The following KIF6 variants were observed in gnomAD, a reference collection of about 807,000 sequenced individuals.
The protein encoded by KIF6 is kinesin-like protein KIF6.
In KIF6, 106 loss-of-function variants were observed where a neutral mutation model predicts 112.7. The observed-to-expected ratio is 0.94, with a 90% CI of 0.80 to 1.11. KIF6 has a LOEUF of 1.11. Among genes scored for constraint, KIF6 ranks in the 50% least tolerant of loss-of-function variants. KIF6 has a pLI of 0.00. For synonymous variants in KIF6, 339 were observed against 339.9 expected (o/e 1.00, Z 0.03); for missense variants, 929 against 964.0 (o/e 0.96, Z 0.48).
intron 7 of KIF6, among the ~76,000 whole-genome samples, chr6:39,590,802 A>T (rs2150673255): frequency 6.6e-6 from 1 of 152,340 alleles, no homozygotes; most frequent in Non-Finnish European, 1.5e-5. Flanking sequence ...TTTGGTTGCA[A>T]GAAACAGAAA....
rs1425479579 is a variant in KIF6 at position 39,342,681 on chromosome 6, G to A, written c.2428+1028C>T. 2 of 321,080 alleles carry A rather than the reference G, an allele frequency of 6.2e-6. No homozygotes were observed. The highest frequency in any genetic ancestry group is 6.7e-5 in the Admixed American group (1 of 15,032). The allele number at this position is 321,080 out of a possible 1,614,324, so 19.9% of individuals were successfully genotyped here. A position where few individuals can be genotyped will look rare whatever the true frequency, so the allele number is the denominator to read the frequency against. ...GAGACAAGATCACAGCAGAGGTGGG[G>A]CTGTCTCAGGCTTAAGAAAGGACCT... is the stretch of plus-strand genomic sequence containing the variant. On this transcript the variant is annotated intron_variant, in intron 22 of 22. Transcript: ENST00000287152. This position sits in a 1 kb window ranked among gnomAD's most constrained non-coding sequence, Gnocchi z 4.7.
chr6:39,360,470 C>G lies in KIF6; in HGVS notation c.2007G>C (p.Leu669=). ...GCTTCACCTTGGCTTTGTCCATGAG[C>G]AGCTGCAAGTGCTCGATCTCCACCT... ...ALKVEIEHLQ[L]LMDKAKVKLQ... Residue 669 remains leucine, a synonymous_variant, in exon 18 of 23, where the codon CTG becomes CTC. Transcript: ENST00000287152. 6.2e-7 allele frequency: 1 copy of G among 1,613,840 alleles called. No homozygotes were observed. Among genetic ancestry groups the G allele is most frequent in the South Asian group, 1.1e-5 (1 of 91,034 alleles).
At chr6:39,585,094 G>A (rs530169695) in intron 8 of KIF6, 110 bp from the exon 9 acceptor site, 2 of 685,104 alleles carry the variant, frequency 2.9e-6, no homozygotes, top group Admixed American at 4.6e-5. Context: ...AAAAAGTGAT[G>A]TGTATAAAAC....
chr6:39,342,568 T>C lies in KIF6; in HGVS notation c.2428+1141A>G, dbSNP rs573127567. Among the ~76,000 whole-genome samples, 43 of 150,876 alleles carry C rather than the reference T, an allele frequency of 2.9e-4. No homozygotes were observed. The highest frequency in any genetic ancestry group is 1.0e-3 in the African/African-American group (41 of 40,594). On this transcript the variant is annotated intron_variant, in intron 22 of 22. Transcript: ENST00000287152. This position sits in a 1 kb window ranked among gnomAD's most constrained non-coding sequence, Gnocchi z 4.7. ...ATCATCAGAGTATTTGGGGCATAGA[T>C]GGGGACTTGGAGATCACTGAATCCA...
At chr6:39,441,431 C>T (rs552498513) in intron 13 of KIF6, among the ~76,000 whole-genome samples, 1 of 152,300 alleles carries the variant, frequency 6.6e-6, no homozygotes, top group African/African-American at 2.4e-5. Context: ...AGATGGTCTC[C>T]CCTGGAGAGC....
At chr6:39,437,962 T>A (rs923012700) in intron 13 of KIF6, among the ~76,000 whole-genome samples, 2 of 111,678 alleles carry the variant, frequency 1.8e-5, no homozygotes, top group Non-Finnish European at 3.8e-5. Flanking sequence ...TTTACTATAC[T>A]TTATTTATTT....
intron 10 of KIF6, among the ~76,000 whole-genome samples, chr6:39,569,968 T>C (rs985887622): frequency 6.6e-6 from 1 of 152,220 alleles, no homozygotes; most frequent in African/African-American, 2.4e-5. Flanking sequence ...TGCGATTTAT[T>C]TGATGGATAA....
intron 14 of KIF6, among the ~76,000 whole-genome samples, chr6:39,429,888 A>G (rs1771030394): frequency 6.6e-6 from 1 of 152,026 alleles, no homozygotes; most frequent in Non-Finnish European, 1.5e-5. Context: ...AGGCTGGGCA[A>G]CAGAGTGAGA....
chr6:39,368,913 C>T (rs1765764350), intron 16 of KIF6, among the ~76,000 whole-genome samples: 1 of 152,192 alleles, frequency 6.6e-6, no homozygotes, highest in African/African-American at 2.4e-5. Flanking sequence ...AGTTATGTGG[C>T]TCTACCATGG....
chr6:39,403,079 TA>T (rs1768824753), intron 15 of KIF6, among the ~76,000 whole-genome samples: 1 of 152,240 alleles, frequency 6.6e-6, no homozygotes, highest in African/African-American at 2.4e-5. Flanking sequence ...AGATTCATTT[TA>T]AAATGACAGC....
At chr6:39,337,171 CCT>C (rs1491202384) in intron 22 of KIF6, among the ~76,000 whole-genome samples, 3 of 47,728 alleles carry the variant, frequency 6.3e-5, no homozygotes, top group South Asian at 5.5e-4. Context: ...TTCTTTCCTT[CCT>C]TCTTTCTTTC....
rs1776900662 is a variant in KIF6, at chr6:39,513,552, T to G, written c.1645+26451A>C. ...GGATCTTCCCACTCAGACTTCCCTC[T>G]CCATCACGTTTCCATCTAGTCTGGA... On this transcript the variant is annotated intron_variant, in intron 13 of 22. Transcript: ENST00000287152. Among the ~76,000 whole-genome samples the G allele has an allele frequency of 2.0e-5, 3 of 152,316 alleles. No homozygotes were observed. In the South Asian group the frequency reaches 6.2e-4, roughly 32 times the overall value.
intron 13 of KIF6, among the ~76,000 whole-genome samples, chr6:39,519,514 T>C (rs1459050093): frequency 2.6e-5 from 4 of 152,186 alleles, no homozygotes; most frequent in African/African-American, 7.2e-5. Context: ...CTATGACATA[T>C]TGACAGGTAT....
chr6:39,407,756 G>T (rs1769190733), intron 15 of KIF6, among the ~76,000 whole-genome samples: 1 of 152,186 alleles, frequency 6.6e-6, no homozygotes, highest in Non-Finnish European at 1.5e-5. Context: ...TTCATGTAGT[G>T]GTTAGTGGTT....
intron 13 of KIF6, among the ~76,000 whole-genome samples, chr6:39,456,263 C>G (rs1581897395): frequency 1.1e-5 from 1 of 94,466 alleles, no homozygotes; most frequent in Non-Finnish European, 2.1e-5. Flanking sequence ...TCATATCCAG[C>G]CAAACAAAGC....
At position 39,639,748 on chromosome 6, in the gene KIF6, T is replaced by G. The variant is rs536682530; in HGVS notation, c.261A>C (p.Ala87=). 14 of 1,609,480 alleles carry G rather than the reference T, an allele frequency of 8.7e-6. No individual in the cohort carries two copies. In the South Asian group the frequency reaches 1.3e-4, roughly 15 times the overall value. Residue 87 remains alanine, a synonymous_variant, in exon 4 of 23, where the codon GCA becomes GCC. Coordinates refer to ENST00000287152, the MANE Select transcript of KIF6 (RefSeq NM_145027.6). ...ATGCAAAGATGGTACCATTGTAACC[T>G]GCCAGGACACTGCAATAAAGAAATG... ...IAKPVAGSVL[A]GYNGTIFAYG... is the part of the protein sequence containing the mutation.
chr6:39,620,561 C>T (rs919324782), intron 5 of KIF6: 4 of 152,014 alleles, frequency 2.6e-5, no homozygotes, highest in African/African-American at 9.7e-5. Flanking sequence ...ATTTTTCCAA[C>T]TATAAGCATA....
chr6:39,431,870 CGGAGTGAG>C (rs563090420), intron 13 of KIF6, among the ~76,000 whole-genome samples: 51 of 152,274 alleles, frequency 3.3e-4, no homozygotes, highest in Middle Eastern at 3.4e-3. Flanking sequence ...CACCACCTCC[CGGAGTGAG>C]GGTCAGCGCA....
At chr6:39,710,479 A>C (rs1228494445) in intron 3 of KIF6, among the ~76,000 whole-genome samples, 5 of 151,756 alleles carry the variant, frequency 3.3e-5, no homozygotes, top group Admixed American at 6.6e-5. Context: ...GAAAAAAAAA[A>C]AAACCCAGTG....
Sources: allele counts gnomAD v4.1 joint callset (sites outside exome capture counted in the v4.1 genomes callset), GRCh38; gene constraint gnomAD v4.1.1; non-coding constraint Gnocchi (gnomAD v3.1); transcripts MANE v1.5; gene names NCBI Gene and HGNC (gene_info 2026-07-23, HGNC 2026-07-21).